The following ZNF286A variants were observed in gnomAD, a reference collection of about 807,000 sequenced individuals.
ZNF286A encodes the protein zinc finger protein 286A.
ZNF286A carries 34 observed loss-of-function variants against 49.3 expected under a neutral mutation model. That is an observed-to-expected ratio of 0.69 (90% CI 0.52 to 0.92). The LOEUF is 0.92. Among genes scored for constraint, ZNF286A ranks in the 40% least tolerant of loss-of-function variants. The pLI is 0.00. For missense variants in ZNF286A, 462 were observed against 600.2 expected, an observed-to-expected ratio of 0.77 and a Z score of 2.41; for synonymous variants, 155 against 200.4, an observed-to-expected ratio of 0.77 and a Z score of 1.91.
chr17:15,716,261 C>G lies in ZNF286A; in HGVS notation c.537C>G (p.His179Gln). Residue 179 changes from histidine (H) to glutamine (Q), a missense_variant, in exon 6 of 6, where the codon CAC (histidine) becomes CAG (glutamine). Coordinates refer to ENST00000583566, the MANE Select transcript of ZNF286A (RefSeq NM_001130842.2). ...GACATTTGAGAGAAATGTTCACTCA[C>G]ATGAATTCACTCTCTGAGGAAACAG... ...QERHLREMFT[H>Q]MNSLSEETDH... The G allele has an allele frequency of 6.2e-7, 1 of 1,613,882 alleles. No individual in the cohort carries two copies. The highest frequency in any genetic ancestry group is 1.3e-5 in the African/African-American group (1 of 75,054).
intron 3 of ZNF286A, chr17:15,704,405 C>G (rs574888815): frequency 1.2e-6 from 2 of 1,605,612 alleles, no homozygotes; most frequent in Admixed American, 1.7e-5. Context: ...CGCCCGGCTT[C>G]GGCCCTGCCG....
intron 2 of ZNF286A, 143 bp from the exon 3 acceptor site, chr17:15,701,009 G>A (rs1989730186): frequency 1.7e-6 from 1 of 593,474 alleles, no homozygotes. Flanking sequence ...AGAGGGTCCT[G>A]GGAGGAGGTC....
chr17:15,702,879 C>T (rs902878725), intron 3 of ZNF286A, among the ~76,000 whole-genome samples: 2 of 152,220 alleles, frequency 1.3e-5, no homozygotes, highest in Non-Finnish European at 2.9e-5. Flanking sequence ...AAACCTAATT[C>T]TTCATTTTAC....
chr17:15,703,794 A>G (rs1989972045), intron 3 of ZNF286A, among the ~76,000 whole-genome samples: 1 of 152,126 alleles, frequency 6.6e-6, no homozygotes, highest in Non-Finnish European at 1.5e-5. Flanking sequence ...TTTTATTGCC[A>G]TGTGATTTTT....
rs1382392031 is a variant in ZNF286A, at chr17:15,720,276, TTCTC to T, written c.*2991_*2994del. 10 of 151,684 alleles carry T rather than the reference TTCTC, an allele frequency of 6.6e-5. No homozygotes were observed. In the East Asian group the frequency reaches 1.7e-3, roughly 26 times the overall value. 9.4% of individuals were successfully genotyped at this position (151,684 alleles called of 1,614,324 possible). On this transcript the variant is annotated 3_prime_UTR_variant, in exon 6 of 6. Transcript: ENST00000583566. ...CCCCCACTCCTGCTTGGTGCTCTCT[TTCTC>T]TCTCCTTCTCTACATAGAGAAGTGC... is the stretch of plus-strand genomic sequence containing the variant.
chr17:15,700,145 CG>C lies in ZNF286A; in HGVS notation c.-184del, dbSNP rs1989655828. ...TCCCCGGGCTTCCAGGCTCCAGCGC[CG>C]TAGGACTGAGGCAGACTCCACGGTG... is the stretch of plus-strand genomic sequence containing the variant. On this transcript the variant is annotated 5_prime_UTR_variant, in exon 2 of 6. The change creates a premature stop within an existing upstream ORF in the 5' untranslated region. Coordinates refer to ENST00000583566, the MANE Select transcript of ZNF286A (RefSeq NM_001130842.2). The C allele has an allele frequency of 1.8e-6, 1 of 553,500 alleles. No homozygotes were observed. Among genetic ancestry groups the C allele is most frequent in the African/African-American group, 2.2e-5 (1 of 46,112 alleles). The allele number at this position is 553,500 out of a possible 1,614,324, so 34.3% of individuals were successfully genotyped here.
Position 15,716,938 on chromosome 17 carries a change from C to T in ZNF286A, c.1214C>T (p.Thr405Ile). 6.2e-7 allele frequency: 1 copy of T among 1,610,970 alleles called. No homozygotes were observed. The highest frequency in any genetic ancestry group is 8.5e-7 in the Non-Finnish European group (1 of 1,177,964). ...SSLTKHQRVH[T>I]GEKPYECSEC... ...CTAACTAAGCATCAGAGAGTTCATA[C>T]TGGAGAAAAGCCATATGAATGCAGT... is the stretch of plus-strand genomic sequence containing the variant. The change falls in exon 6 of 6, where the codon ACT (threonine) becomes ATT (isoleucine). Residue 405 changes from threonine (T) to isoleucine (I), a missense_variant. Physicochemically the swap from Thr to Ile is moderately conservative, Grantham distance 89. This residue lies in a region of ZNF286A where 201 missense variants were observed against 311.3 expected (regional missense o/e 0.65). Coordinates refer to ENST00000583566, the MANE Select transcript of ZNF286A (RefSeq NM_001130842.2).
chr17:15,713,390 C>G (rs1409838109), intron 5 of ZNF286A, among the ~76,000 whole-genome samples: 1 of 152,118 alleles, frequency 6.6e-6, no homozygotes, highest in African/African-American at 2.4e-5. Flanking sequence ...TAGAAGGTAG[C>G]TATATTCTTA....
intron 5 of ZNF286A, among the ~76,000 whole-genome samples, chr17:15,712,408 A>G (rs1276367042): frequency 3.3e-5 from 5 of 152,172 alleles, no homozygotes; most frequent in Admixed American, 2.6e-4. Flanking sequence ...CATCTTAACT[A>G]TTTGATTCCT....
intron 5 of ZNF286A, among the ~76,000 whole-genome samples, chr17:15,713,296 A>G (rs1966875787): frequency 6.6e-6 from 1 of 152,230 alleles, no homozygotes; most frequent in Admixed American, 6.5e-5. Flanking sequence ...GTTAAAAAAC[A>G]TCTATTTTCT....
At chr17:15,703,285 T>C (rs1401355249) in intron 3 of ZNF286A, among the ~76,000 whole-genome samples, 11 of 151,226 alleles carry the variant, frequency 7.3e-5, no homozygotes, top group African/African-American at 2.7e-4. Flanking sequence ...TTCAATACTT[T>C]GATATCAGAT....
chr17:15,709,905 T>C, intron 5 of ZNF286A: 8 of 1,536,708 alleles, frequency 5.2e-6, no homozygotes, highest in Non-Finnish European at 7.0e-6. Flanking sequence ...TAGTAGGTCT[T>C]AAATCATCAC....
rs1464899623 is a variant in ZNF286A at position 15,717,998 on chromosome 17, A to G, written c.*708A>G. ...GCCCGGGCTGGAGTGCAGTGGCGCG[A>G]TCTCGGCTCACTGCAACCTCCACCT... On this transcript the variant is annotated 3_prime_UTR_variant, in exon 6 of 6. Transcript: ENST00000583566. 7.3e-6 allele frequency: 1 copy of G among 136,304 alleles called. No individual in the cohort carries two copies. Among genetic ancestry groups the G allele is most frequent in the South Asian group, 2.3e-4 (1 of 4,282 alleles). The allele number at this position is 136,304 out of a possible 1,614,324, so 8.4% of individuals were successfully genotyped here. A position where few individuals can be genotyped will look rare whatever the true frequency, so the allele number is the denominator to read the frequency against.
intron 1 of ZNF286A, 76 bp downstream of exon 1, chr17:15,699,853 C>T (rs1295531368): frequency 1.1e-5 from 8 of 702,242 alleles, no homozygotes; most frequent in Middle Eastern, 2.5e-4. Context: ...TGTGCCGAGT[C>T]GGGGCTAGAG....
chr17:15,710,917 AT>A (rs57532299), intron 5 of ZNF286A, among the ~76,000 whole-genome samples: 151 of 144,830 alleles, frequency 1.0e-3, no homozygotes, highest in Admixed American at 1.4e-3. Context: ...TACAAGTTTA[AT>A]TTTTTTTTTT....
Position 15,708,254 on chromosome 17 carries a change from C to A in ZNF286A, c.334+7C>A. The A allele has an allele frequency of 6.4e-7, 1 of 1,569,274 alleles. No homozygotes were observed. ...CCCAAAAGCAGCTATTCAGGTGAGC[C>A]AGATAGATGGGAGTCTTCATAAATG... On this transcript the variant is annotated splice_region_variant and intron_variant, in intron 5 of 5. Coordinates refer to ENST00000583566, the MANE Select transcript of ZNF286A (RefSeq NM_001130842.2).
intron 5 of ZNF286A, among the ~76,000 whole-genome samples, chr17:15,711,868 C>CT (rs1473535971): frequency 1.1e-5 from 1 of 92,370 alleles, no homozygotes; most frequent in African/African-American, 4.0e-5. Flanking sequence ...CTGCCCCCCC[C>CT]CCGGCTTTTT....
At position 15,720,142 on chromosome 17, in the gene ZNF286A, T is replaced by C. The variant is rs1967298443; in HGVS notation, c.*2852T>C. ...TACTCTGAGTCTCAGTTTCTTTATC[T>C]GTATTAGGTTTCAACAAAGGGAATA... On this transcript the variant is annotated 3_prime_UTR_variant, in exon 6 of 6. Coordinates refer to ENST00000583566, the MANE Select transcript of ZNF286A (RefSeq NM_001130842.2). The C allele has an allele frequency of 6.6e-6, 1 of 152,236 alleles. No individual in the cohort carries two copies. The highest frequency in any genetic ancestry group is 2.1e-4 in the South Asian group (1 of 4,810). The allele number at this position is 152,236 out of a possible 1,614,324, so 9.4% of individuals were successfully genotyped here.
intron 5 of ZNF286A, among the ~76,000 whole-genome samples, chr17:15,714,249 A>G (rs1597729243): frequency 6.6e-6 from 1 of 151,510 alleles, no homozygotes; most frequent in African/African-American, 2.4e-5. Context: ...TAAGTTTAGT[A>G]TCATTGTGTT....
Sources: allele counts gnomAD v4.1 joint callset (sites outside exome capture counted in the v4.1 genomes callset), GRCh38; gene constraint gnomAD v4.1.1; regional missense constraint gnomAD v4.1.1; transcripts MANE v1.5; gene names NCBI Gene and HGNC (gene_info 2026-07-23, HGNC 2026-07-21).